GRIK2: variants seen among roughly 807,000 people sequenced by gnomAD.
GRIK2 encodes glutamate ionotropic receptor kainate type subunit 2.
GRIK2 carries 32 observed loss-of-function variants against 100.3 expected under a neutral mutation model. That is an observed-to-expected ratio of 0.32 (90% CI 0.24 to 0.43). The LOEUF (loss-of-function observed/expected upper bound fraction) is 0.43, where lower values mean the gene tolerates loss of function less well. GRIK2 is among the 20% of genes least tolerant of loss of function. The pLI, the probability that GRIK2 is intolerant of heterozygous loss-of-function variation, is 1.00. For missense variants in GRIK2, 843 were observed against 1,114.9 expected (o/e 0.76, Z 3.47); for synonymous variants, 417 against 389.4 (o/e 1.07, Z -0.83).
At chr6:101,681,433 G>T (rs1771245441) in intron 5 of GRIK2, among the ~76,000 whole-genome samples, 1 of 141,154 alleles carries the variant, frequency 7.1e-6, no homozygotes, top group African/African-American at 2.6e-5. Context: ...TGTAGAGATG[G>T]GGTCTTGTTA....
At chr6:101,526,837 C>T (rs570931388) in intron 2 of GRIK2, among the ~76,000 whole-genome samples, 42 of 152,222 alleles carry the variant, frequency 2.8e-4, no homozygotes, top group African/African-American at 5.3e-4. Context: ...TCCCGGGGTT[C>T]GGAGGAGGCA....
Position 101,629,589 on chromosome 6 carries a change from G to C in GRIK2, c.541+2952G>C, listed in dbSNP as rs1780619411. Among the ~76,000 whole-genome samples, 3 of 152,152 alleles carry C rather than the reference G, an allele frequency of 2.0e-5. No homozygotes were observed. In the South Asian group the frequency reaches 6.2e-4, roughly 32 times the overall value. On this transcript the variant is annotated intron_variant, in intron 4 of 16. Coordinates refer to ENST00000369134, the MANE Select transcript of GRIK2 (RefSeq NM_021956.5). ...TTGCCTCTTACTTTACAGCATTTTT[G>C]AGAACTTTGATTATTTAATATGATA...
chr6:101,819,923 G>T (rs113671033), intron 10 of GRIK2, among the ~76,000 whole-genome samples: 3,893 of 152,178 alleles, frequency 0.026, 174 homozygotes, highest in African/African-American at 0.088. Context: ...TATACAGATT[G>T]TTAGAGAATC....
chr6:101,988,132 TGCGCGCGCGCGCGCGCGCGC>T (rs112299589), intron 14 of GRIK2, among the ~76,000 whole-genome samples: 24 of 29,552 alleles, frequency 8.1e-4, no homozygotes, highest in Non-Finnish European at 1.6e-3. Flanking sequence ...TGTGTGTGTG[TGCGCGCGCGCGCGCGCGCGC>T]GCGTGCGCGC....
At chr6:101,944,530 T>C (rs2128476806) in intron 14 of GRIK2, among the ~76,000 whole-genome samples, 1 of 152,286 alleles carries the variant, frequency 6.6e-6, no homozygotes, top group South Asian at 2.1e-4. Context: ...AGTCAAAGAA[T>C]ACAAAGATTT....
At chr6:101,918,214 A>G (rs899687408) in intron 12 of GRIK2, among the ~76,000 whole-genome samples, 1 of 151,746 alleles carries the variant, frequency 6.6e-6, no homozygotes, top group African/African-American at 2.4e-5. Flanking sequence ...AAAAATAAAC[A>G]CATATTGAAT....
chr6:101,556,712 T>A (rs933071859), intron 2 of GRIK2, among the ~76,000 whole-genome samples: 1 of 152,146 alleles, frequency 6.6e-6, no homozygotes, highest in Non-Finnish European at 1.5e-5. Flanking sequence ...GTTATTCGCA[T>A]TGCACAAAAG....
rs138823808 is a variant in GRIK2, at chr6:101,409,308, A to C, written c.115+9916A>C. On this transcript the variant is annotated intron_variant, in intron 2 of 16. Transcript: ENST00000369134. ...CAGCCTAGGAGCAATTGGCTGTAAC[A>C]TATAGCCTAGGTATATAGTAGGCTA... is the stretch of plus-strand genomic sequence containing the variant. 4.0e-3 allele frequency among the ~76,000 whole-genome samples: 607 copies of C among 152,208 alleles called. 7 individuals are homozygous for C. The highest frequency in any genetic ancestry group is 0.014 in the African/African-American group (590 of 41,550).
At chr6:101,485,131 A>G (rs950280477) in intron 2 of GRIK2, among the ~76,000 whole-genome samples, 2 of 152,204 alleles carry the variant, frequency 1.3e-5, no homozygotes, top group Non-Finnish European at 2.9e-5. Context: ...TTAGTATACT[A>G]AATCCTATAT....
At chr6:101,922,350 A>T (rs1192260284) in intron 12 of GRIK2, among the ~76,000 whole-genome samples, 1 of 152,062 alleles carries the variant, frequency 6.6e-6, no homozygotes, top group Non-Finnish European at 1.5e-5. Flanking sequence ...CTATGAAAAA[A>T]CTAGTGATCT....
chr6:101,971,032 C>T (rs1204607132), intron 14 of GRIK2, among the ~76,000 whole-genome samples: 1 of 150,918 alleles, frequency 6.6e-6, no homozygotes, highest in Non-Finnish European at 1.5e-5. Context: ...GTATTTATCA[C>T]TGCATTCCTT....
intron 2 of GRIK2, among the ~76,000 whole-genome samples, chr6:101,477,494 G>A (rs776025763): frequency 3.7e-4 from 57 of 152,016 alleles, no homozygotes; most frequent in Non-Finnish European, 6.2e-4. Context: ...GGGTGGCTAC[G>A]ATGAAACATG....
At chr6:101,840,061 C>T (rs1783399069) in intron 10 of GRIK2, among the ~76,000 whole-genome samples, 1 of 152,080 alleles carries the variant, frequency 6.6e-6, no homozygotes, top group African/African-American at 2.4e-5. Flanking sequence ...TGTTTCAGTA[C>T]ATTTACACTA....
At chr6:101,749,518 G>C (rs1046909796) in intron 7 of GRIK2, among the ~76,000 whole-genome samples, 1 of 152,056 alleles carries the variant, frequency 6.6e-6, no homozygotes, top group African/African-American at 2.4e-5. Flanking sequence ...CCTAAAACCT[G>C]GTCTGAGGTC....
At chr6:101,642,860 A>C (rs886075734) in intron 4 of GRIK2, among the ~76,000 whole-genome samples, 1 of 151,668 alleles carries the variant, frequency 6.6e-6, no homozygotes, top group African/African-American at 2.4e-5. Flanking sequence ...ACAGTGCACA[A>C]GAGTTCTAAC....
At chr6:102,026,019 T>C (rs984621165) in intron 14 of GRIK2, among the ~76,000 whole-genome samples, 2 of 149,432 alleles carry the variant, frequency 1.3e-5, no homozygotes, top group Non-Finnish European at 3.0e-5. Flanking sequence ...CTTACTAGGG[T>C]GATTAAATAA....
At chr6:101,863,778 T>C (rs1473998412) in intron 11 of GRIK2, among the ~76,000 whole-genome samples, 1 of 152,226 alleles carries the variant, frequency 6.6e-6, no homozygotes, top group African/African-American at 2.4e-5. Flanking sequence ...GGAAAGTTTC[T>C]TACTCTGTCT....
At chr6:101,593,333 GT>G (rs1562248298) in intron 2 of GRIK2, among the ~76,000 whole-genome samples, 1 of 151,756 alleles carries the variant, frequency 6.6e-6, no homozygotes, top group Admixed American at 6.6e-5. Context: ...TTCACTATTT[GT>G]TTCATATATT....
chr6:101,796,967 A>G (rs1030915015), intron 7 of GRIK2, among the ~76,000 whole-genome samples: 5 of 152,168 alleles, frequency 3.3e-5, no homozygotes, highest in Non-Finnish European at 7.4e-5. Flanking sequence ...TATATACCAG[A>G]AAAGATTTTT....
Sources: allele counts gnomAD v4.1 joint callset (sites outside exome capture counted in the v4.1 genomes callset), GRCh38; gene constraint gnomAD v4.1.1; transcripts MANE v1.5; gene names NCBI Gene and HGNC (gene_info 2026-07-23, HGNC 2026-07-21).